Variants in SOX6 observed in about 807,000 individuals in gnomAD.
The protein encoded by SOX6 is transcription factor SOX-6.
A neutral mutation model predicts 97.8 loss-of-function variants in SOX6; 11 were observed. That is an observed-to-expected ratio of 0.11 (90% CI 0.07 to 0.19). The LOEUF (loss-of-function observed/expected upper bound fraction) is 0.19, where lower values mean the gene tolerates loss of function less well. SOX6 is among the 10% of genes least tolerant of loss of function. SOX6 has a pLI of 1.00. For synonymous variants in SOX6, 360 were observed against 371.4 expected (o/e 0.97, Z 0.35); for missense variants, 810 against 1,039.5 (o/e 0.78, Z 3.04).
intron 4 of SOX6, among the ~76,000 whole-genome samples, chr11:16,209,019 C>T (rs1852146581): frequency 6.6e-6 from 1 of 152,142 alleles, no homozygotes; most frequent in Non-Finnish European, 1.5e-5. Flanking sequence ...GCTTCATACA[C>T]TTCAACCAAA....
intron 12 of SOX6, among the ~76,000 whole-genome samples, chr11:16,024,650 T>C (rs1472303237): frequency 6.6e-6 from 1 of 151,860 alleles, no homozygotes; most frequent in Non-Finnish European, 1.5e-5. Flanking sequence ...TGAGATAAAC[T>C]CTAGGAATGC....
intron 7 of SOX6, among the ~76,000 whole-genome samples, chr11:16,102,124 G>C (rs1848963655): frequency 6.6e-6 from 1 of 151,728 alleles, no homozygotes. Context: ...TGTATACCTA[G>C]AAAGTCCTAA....
At chr11:16,234,005 CA>C (rs751876773) in intron 4 of SOX6, among the ~76,000 whole-genome samples, 160 of 55,928 alleles carry the variant, frequency 2.9e-3, no homozygotes, top group Middle Eastern at 0.023. Flanking sequence ...GACTGCATCT[CA>C]AAAAAAAAAA....
At chr11:16,195,345 A>C (rs1412343952) in intron 4 of SOX6, among the ~76,000 whole-genome samples, 1 of 152,200 alleles carries the variant, frequency 6.6e-6, no homozygotes, top group Admixed American at 6.5e-5. Context: ...TCTAAGAAAG[A>C]GGTATCTTCC....
At chr11:16,557,452 G>A (rs1399321498) in intron 4 of SOX6, among the ~76,000 whole-genome samples, 3 of 151,722 alleles carry the variant, frequency 2.0e-5, no homozygotes, top group Non-Finnish European at 4.4e-5. Flanking sequence ...CCTCTGAAAT[G>A]TCCTCCCCGG....
chr11:16,234,306 A>G (rs1029978121), intron 4 of SOX6, among the ~76,000 whole-genome samples: 3 of 152,172 alleles, frequency 2.0e-5, no homozygotes, highest in East Asian at 1.9e-4. Flanking sequence ...ATCTTTTAAC[A>G]TAAGGTTTTT....
intron 4 of SOX6, among the ~76,000 whole-genome samples, chr11:16,604,917 G>C (rs758722996): frequency 2.0e-5 from 3 of 152,180 alleles, no homozygotes; most frequent in Non-Finnish European, 4.4e-5. Context: ...GCGGAGCGCC[G>C]GGGAAGCAGC....
intron 1 of SOX6, among the ~76,000 whole-genome samples, chr11:16,472,002 T>C (rs1860149053): frequency 6.6e-6 from 1 of 152,214 alleles, no homozygotes; most frequent in Non-Finnish European, 1.5e-5. Flanking sequence ...GAAATAACCA[T>C]ACAGAAACGA....
intron 3 of SOX6, among the ~76,000 whole-genome samples, chr11:16,281,318 G>A (rs1179742134): frequency 2.6e-5 from 4 of 151,890 alleles, no homozygotes; most frequent in Non-Finnish European, 5.9e-5. Context: ...CTCTCTCTCC[G>A]AGTAACAGAG....
At chr11:16,324,071 C>T (rs1856000702) in intron 2 of SOX6, among the ~76,000 whole-genome samples, 1 of 151,926 alleles carries the variant, frequency 6.6e-6, no homozygotes, top group Non-Finnish European at 1.5e-5. Context: ...GTGCTCCCAG[C>T]TGCTTGGGAG....
At chr11:16,251,051 TG>T (rs1415141554) in intron 3 of SOX6, among the ~76,000 whole-genome samples, 1 of 152,124 alleles carries the variant, frequency 6.6e-6, no homozygotes, top group Middle Eastern at 3.2e-3. Flanking sequence ...AAACAATCTA[TG>T]GGGCAAAAAT....
chr11:16,463,565 G>A (rs1859972679), intron 1 of SOX6, among the ~76,000 whole-genome samples: 1 of 152,190 alleles, frequency 6.6e-6, no homozygotes, highest in Admixed American at 6.5e-5. Context: ...TTAGCACAAT[G>A]TCTAGCACAT....
At chr11:16,210,039 T>C (rs1370351193) in intron 4 of SOX6, among the ~76,000 whole-genome samples, 8 of 152,098 alleles carry the variant, frequency 5.3e-5, no homozygotes, top group Non-Finnish European at 1.0e-4. Flanking sequence ...ACACTACTGG[T>C]TGGAATGTAA....
intron 2 of SOX6, among the ~76,000 whole-genome samples, chr11:16,718,791 T>C (rs962477462): frequency 3.3e-5 from 5 of 152,050 alleles, no homozygotes; most frequent in African/African-American, 4.8e-5. Flanking sequence ...TAAAAATAAA[T>C]GCTGTTTTAT....
At chr11:16,230,618 T>A (rs1158003387) in intron 4 of SOX6, among the ~76,000 whole-genome samples, 1 of 151,910 alleles carries the variant, frequency 6.6e-6, no homozygotes, top group Admixed American at 6.6e-5. Flanking sequence ...AATTCAATAG[T>A]ATAAAGATGT....
intron 9 of SOX6, among the ~76,000 whole-genome samples, chr11:16,060,985 A>G (rs1045114524): frequency 6.6e-6 from 1 of 151,824 alleles, no homozygotes; most frequent in Non-Finnish European, 1.5e-5. Context: ...TTAACATACT[A>G]TACAAAATCA....
chr11:16,447,802 G>C (rs535040634), intron 1 of SOX6, among the ~76,000 whole-genome samples: 1 of 152,282 alleles, frequency 6.6e-6, no homozygotes, highest in African/African-American at 2.4e-5. Flanking sequence ...AATTTTTGGA[G>C]TCAATCAGCA....
At chr11:16,724,209 C>T (rs570572288) in intron 2 of SOX6, among the ~76,000 whole-genome samples, 80 of 152,234 alleles carry the variant, frequency 5.3e-4, no homozygotes, top group African/African-American at 1.9e-3. Flanking sequence ...TGCAAGTTTT[C>T]ACTCAATAAA....
intron 4 of SOX6, among the ~76,000 whole-genome samples, chr11:16,545,794 A>T (rs1053950756): frequency 6.6e-6 from 1 of 152,122 alleles, no homozygotes; most frequent in African/African-American, 2.4e-5. Context: ...GCTACAAAAA[A>T]TTAAAAGATT....
Sources: gnomAD v4.1 joint callset for allele counts (sites outside exome capture counted in the v4.1 genomes callset) on GRCh38, gnomAD v4.1.1 for gene constraint, MANE v1.5 for transcripts, NCBI Gene and HGNC (gene_info 2026-07-23, HGNC 2026-07-21) for gene names.